STXBP4: variants seen among roughly 807,000 people sequenced by gnomAD.
STXBP4 encodes the protein syntaxin-binding protein 4.
STXBP4 carries 55 observed loss-of-function variants against 76.1 expected under a neutral mutation model. That is an observed-to-expected ratio of 0.72 (90% CI 0.58 to 0.91). The LOEUF (loss-of-function observed/expected upper bound fraction) is 0.91. Among genes scored for constraint, STXBP4 ranks in the 40% least tolerant of loss-of-function variants. STXBP4 has a pLI of 0.00. For missense variants in STXBP4, 618 were observed against 636.9 expected (o/e 0.97, Z 0.32); for synonymous variants, 201 against 220.2 (o/e 0.91, Z 0.77).
chr17:55,066,635 G>A (rs2079054592), intron 12 of STXBP4, among the ~76,000 whole-genome samples: 1 of 152,124 alleles, frequency 6.6e-6, no homozygotes, highest in Non-Finnish European at 1.5e-5. Context: ...GTCATTTTTA[G>A]CATTGGTATT....
intron 17 of STXBP4, among the ~76,000 whole-genome samples, chr17:55,147,266 C>T (rs2080167581): frequency 2.0e-5 from 3 of 152,174 alleles, no homozygotes; most frequent in Admixed American, 6.5e-5. Flanking sequence ...ACTGTTCTAC[C>T]TCAGTCATCA....
intron 11 of STXBP4, chr17:55,043,789 C>A: frequency 1.5e-6 from 1 of 646,302 alleles, no homozygotes; most frequent in Non-Finnish European, 2.6e-6. Flanking sequence ...ACACACATAT[C>A]CCAAATATAC....
At chr17:54,992,294 A>G (rs1377673230) in intron 4 of STXBP4, among the ~76,000 whole-genome samples, 1 of 151,908 alleles carries the variant, frequency 6.6e-6, no homozygotes, top group African/African-American at 2.4e-5. Context: ...GTTGCATGCC[A>G]GTAGTCCCAG....
intron 8 of STXBP4, among the ~76,000 whole-genome samples, chr17:55,026,440 C>T (rs2078417208): frequency 1.3e-5 from 2 of 152,122 alleles, no homozygotes; most frequent in African/African-American, 4.8e-5. Flanking sequence ...AACCTTTTCC[C>T]AAGAAGCAAC....
At chr17:55,102,332 T>C (rs891684048) in intron 16 of STXBP4, among the ~76,000 whole-genome samples, 7 of 152,198 alleles carry the variant, frequency 4.6e-5, no homozygotes, top group African/African-American at 1.7e-4. Context: ...TGTGTCCATG[T>C]GTTCTCGTTG....
In STXBP4 at chr17:55,166,309, A is replaced by T. The variant is rs1332785603; in HGVS notation, c.*6398A>T. The T allele has an allele frequency of 6.6e-6, 1 of 152,120 alleles. No individual in the cohort carries two copies. The highest frequency in any genetic ancestry group is 1.5e-5 in the Non-Finnish European group (1 of 68,032). 9.4% of individuals were successfully genotyped at this position (152,120 alleles called of 1,614,324 possible). A position where few individuals can be genotyped will look rare whatever the true frequency, so the allele number is the denominator to read the frequency against. ...CAAGTCTTTCTCATTTCTTACCTGG[A>T]TGCTTTCAACACAGGTGATATAGCT... On this transcript the variant is annotated 3_prime_UTR_variant, in exon 18 of 18. Transcript: ENST00000376352.
intron 17 of STXBP4, among the ~76,000 whole-genome samples, chr17:55,158,601 C>A (rs962042419): frequency 1.3e-5 from 2 of 152,204 alleles, no homozygotes; most frequent in African/African-American, 4.8e-5. Flanking sequence ...TACCATCCAC[C>A]AGGTTAAGAG....
chr17:55,098,428 A>G (rs750164192), intron 16 of STXBP4, among the ~76,000 whole-genome samples: 1 of 152,218 alleles, frequency 6.6e-6, no homozygotes, highest in South Asian at 2.1e-4. Context: ...ACTTGTTTAG[A>G]AAATGGAAAT....
At chr17:55,055,383 G>T (rs1033670395) in intron 12 of STXBP4, among the ~76,000 whole-genome samples, 5 of 152,006 alleles carry the variant, frequency 3.3e-5, no homozygotes, top group African/African-American at 1.2e-4. Context: ...CAACTTGTTG[G>T]GCCTACTTTT....
At chr17:55,012,507 G>T (rs1479868284) in intron 8 of STXBP4, among the ~76,000 whole-genome samples, 1 of 152,018 alleles carries the variant, frequency 6.6e-6, no homozygotes, top group Non-Finnish European at 1.5e-5. Flanking sequence ...TTTCTGTACT[G>T]CCAGTAATAA....
Position 55,168,351 on chromosome 17 carries a change from T to C in STXBP4, c.*8440T>C, listed in dbSNP as rs974447954. ...ATACTGGTGGTTCCTCATTTACCAG[T>C]AGAACTCTCTCTACAAATGGAAAGT... On this transcript the variant is annotated 3_prime_UTR_variant, in exon 18 of 18. Transcript: ENST00000376352. 1.3e-5 allele frequency: 2 copies of C among 152,142 alleles called. No homozygotes were observed. The highest frequency in any genetic ancestry group is 4.8e-5 in the African/African-American group (2 of 41,438). 9.4% of individuals were successfully genotyped at this position (152,142 alleles called of 1,614,324 possible). A position where few individuals can be genotyped will look rare whatever the true frequency, so the allele number is the denominator to read the frequency against.
intron 7 of STXBP4, among the ~76,000 whole-genome samples, chr17:55,005,552 CGTAA>C (rs961721695): frequency 4.6e-5 from 7 of 152,146 alleles, no homozygotes; most frequent in African/African-American, 1.7e-4. Flanking sequence ...TGTAGGAAAA[CGTAA>C]GTGAGAACAC....
At chr17:55,111,058 G>A (rs1026835983) in intron 16 of STXBP4, among the ~76,000 whole-genome samples, 1 of 152,136 alleles carries the variant, frequency 6.6e-6, no homozygotes, top group Non-Finnish European at 1.5e-5. Context: ...TATAGATGCA[G>A]GTAATGGGAG....
At chr17:55,103,314 G>T (rs1224571960) in intron 16 of STXBP4, among the ~76,000 whole-genome samples, 1 of 152,138 alleles carries the variant, frequency 6.6e-6, no homozygotes, top group Non-Finnish European at 1.5e-5. Flanking sequence ...TGTATAAGGT[G>T]TAAGGAAGGG....
At chr17:55,198,196 T>C in the STXBP4 span, among the ~76,000 whole-genome samples, 1 of 152,226 alleles carries the variant, frequency 6.6e-6, no homozygotes. Context: ...TCTGATTGGT[T>C]GCTTTATGCA....
intron 16 of STXBP4, among the ~76,000 whole-genome samples, chr17:55,100,637 T>G (rs977375109): frequency 6.6e-6 from 1 of 152,106 alleles, no homozygotes; most frequent in Non-Finnish European, 1.5e-5. Context: ...GAAGACTTGG[T>G]TTTTAAAGGT....
intron 12 of STXBP4, among the ~76,000 whole-genome samples, chr17:55,067,786 T>G (rs1208380852): frequency 1.3e-5 from 2 of 152,062 alleles, no homozygotes; most frequent in South Asian, 2.1e-4. Flanking sequence ...CATAAATCAG[T>G]AATACAGTGG....
rs1872499639 is a variant in STXBP4 at position 55,170,784 on chromosome 17, T to C, written c.*10873T>C. The stretch of plus-strand genomic sequence containing the variant: ...ATTCATTTTTTGAAATGAAAATCTT[T>C]ATTGAAATAACTATTTTACCATTGT... On this transcript the variant is annotated 3_prime_UTR_variant, in exon 18 of 18. Transcript: ENST00000376352. 6.6e-6 allele frequency: 1 copy of C among 152,362 alleles called. No homozygotes were observed. Among genetic ancestry groups the C allele is most frequent in the Admixed American group, 6.5e-5 (1 of 15,310 alleles). 9.4% of individuals were successfully genotyped at this position (152,362 alleles called of 1,614,324 possible).
In STXBP4 at chr17:55,159,801, G is replaced by A; in HGVS notation, c.1552G>A (p.Val518Ile). The change falls in exon 18 of 18, where the codon GTA (valine) becomes ATA (isoleucine). Residue 518 changes from valine (V) to isoleucine (I), a missense_variant. Physicochemically the swap from Val to Ile is conservative, Grantham distance 29. Coordinates refer to ENST00000376352, the MANE Select transcript of STXBP4 (RefSeq NM_178509.6). ...TGCATTCTTGTTCTTCTCAAGTCAT[G>A]TAACACAGACTACATCCTGGATCCA... The part of the protein sequence containing the change: ...ADGIKYFINH[V>I]TQTTSWIHPV... 1 of 1,604,024 alleles carries A rather than the reference G, an allele frequency of 6.2e-7. No individual in the cohort carries two copies. The highest frequency in any genetic ancestry group is 8.5e-7 in the Non-Finnish European group (1 of 1,171,436).
Sources: gnomAD v4.1 joint callset for allele counts (sites outside exome capture counted in the v4.1 genomes callset) on GRCh38, gnomAD v4.1.1 for gene constraint, MANE v1.5 for transcripts, NCBI Gene and HGNC (gene_info 2026-07-23, HGNC 2026-07-21) for gene names.